Variants in ADGRB3 observed in about 807,000 individuals in gnomAD.
ADGRB3 encodes adhesion G protein-coupled receptor B3.
A neutral mutation model predicts 193.4 loss-of-function variants in ADGRB3; 37 were observed. That is an observed-to-expected ratio of 0.19 (90% CI 0.15 to 0.25). ADGRB3 has a LOEUF of 0.25. Ranked by LOEUF, ADGRB3 falls within the 10% of genes least tolerant of loss-of-function variation. The pLI, the probability that ADGRB3 is intolerant of heterozygous loss-of-function variation, is 1.00. For synonymous variants in ADGRB3, 690 were observed against 644.2 expected, an observed-to-expected ratio of 1.07 and a Z score of -1.08; for missense variants, 1,637 against 1,852.9, an observed-to-expected ratio of 0.88 and a Z score of 2.14.
chr6:69,255,415 T>G (rs1766739113), intron 20 of ADGRB3, among the ~76,000 whole-genome samples: 1 of 152,208 alleles, frequency 6.6e-6, no homozygotes, highest in Non-Finnish European at 1.5e-5. Context: ...TGGTGTGAGA[T>G]GGTATCTCAT....
intron 17 of ADGRB3, among the ~76,000 whole-genome samples, chr6:69,168,643 AAAATTAATTT>A (rs1451273022): frequency 6.6e-6 from 1 of 152,046 alleles, no homozygotes; most frequent in East Asian, 1.9e-4. Flanking sequence ...GCCATAATTT[AAAATTAATTT>A]AAATTAATTT....
In ADGRB3 at chr6:68,719,218, G is replaced by A. The variant is rs539359166; in HGVS notation, c.757+79786G>A. 3.5e-3 allele frequency among the ~76,000 whole-genome samples: 537 copies of A among 151,738 alleles called. 6 individuals are homozygous for A. The highest frequency in any genetic ancestry group is 4.2e-3 in the Non-Finnish European group (288 of 67,766). On this transcript the variant is annotated intron_variant, in intron 3 of 31. Coordinates refer to ENST00000370598, the MANE Select transcript of ADGRB3 (RefSeq NM_001704.3). ...TAAGTCCGTGTCCCTGATGTTATTA[G>A]TGCTTCAATAGAACCTTCTGTGATG...
intron 24 of ADGRB3, among the ~76,000 whole-genome samples, chr6:69,336,751 C>T (rs935296316): frequency 6.6e-6 from 1 of 151,958 alleles, no homozygotes. Flanking sequence ...TGAATAATTT[C>T]TTCTATAATA....
intron 10 of ADGRB3, among the ~76,000 whole-genome samples, chr6:68,991,833 G>C (rs770726203): frequency 6.6e-6 from 1 of 152,098 alleles, no homozygotes; most frequent in Non-Finnish European, 1.5e-5. Flanking sequence ...TTAATATATA[G>C]ATCTATTTTT....
intron 17 of ADGRB3, among the ~76,000 whole-genome samples, chr6:69,204,926 A>G (rs1285860654): frequency 2.0e-5 from 3 of 152,086 alleles, no homozygotes; most frequent in Non-Finnish European, 4.4e-5. Flanking sequence ...AGGATTTTCA[A>G]TTTCTGAAAA....
intron 26 of ADGRB3, among the ~76,000 whole-genome samples, chr6:69,353,264 G>A (rs1769266495): frequency 6.6e-6 from 1 of 152,158 alleles, no homozygotes; most frequent in Non-Finnish European, 1.5e-5. Context: ...AGATGTGTTT[G>A]TTCTTTCTTC....
At chr6:68,815,214 T>C (rs958362942) in intron 3 of ADGRB3, among the ~76,000 whole-genome samples, 6 of 152,162 alleles carry the variant, frequency 3.9e-5, no homozygotes, top group African/African-American at 1.4e-4. Flanking sequence ...GCTGCTTTCT[T>C]TGAGTGTTCA....
rs562038060 is a variant in ADGRB3 at position 69,167,479 on chromosome 6, T to C, written c.2481-65811T>C. Among the ~76,000 whole-genome samples the C allele has an allele frequency of 1.2e-3, 184 of 152,300 alleles. 2 individuals carry two copies. The highest frequency in any genetic ancestry group is 4.3e-3 in the African/African-American group (179 of 41,578). On this transcript the variant is annotated intron_variant, in intron 17 of 31. Coordinates refer to ENST00000370598, the MANE Select transcript of ADGRB3 (RefSeq NM_001704.3). ...TCCATGCCTCCGTTCCTCTAACTTATACAGTATGTGTAGTCTCAATTGATT... is the reference window on the plus strand; with the variant it reads ...TCCATGCCTCCGTTCCTCTAACTTACACAGTATGTGTAGTCTCAATTGATT...
intron 20 of ADGRB3, among the ~76,000 whole-genome samples, chr6:69,291,178 G>T (rs541619984): frequency 6.6e-6 from 1 of 151,992 alleles, no homozygotes; most frequent in East Asian, 1.9e-4. Flanking sequence ...GGATAATTTA[G>T]CCCTGTATGT....
chr6:69,059,545 A>G (rs1169822118), intron 15 of ADGRB3, among the ~76,000 whole-genome samples: 1 of 152,158 alleles, frequency 6.6e-6, no homozygotes, highest in East Asian at 1.9e-4. Flanking sequence ...ATAAATCTCA[A>G]GGACAGAAAA....
At chr6:69,213,795 G>A (rs574285386) in intron 17 of ADGRB3, among the ~76,000 whole-genome samples, 3 of 152,242 alleles carry the variant, frequency 2.0e-5, no homozygotes, top group Admixed American at 6.5e-5. Context: ...TCAATAAATA[G>A]ATTGATAGAG....
chr6:68,751,109 T>G (rs865839445), intron 3 of ADGRB3, among the ~76,000 whole-genome samples: 9 of 152,226 alleles, frequency 5.9e-5, no homozygotes, highest in East Asian at 1.9e-4. Context: ...TCTCTGAGAA[T>G]AGCTAAGTCC....
chr6:69,232,184 G>GC (rs1304295400), intron 17 of ADGRB3, among the ~76,000 whole-genome samples: 5 of 152,174 alleles, frequency 3.3e-5, no homozygotes, highest in Non-Finnish European at 7.4e-5. Flanking sequence ...TAATTTCCAT[G>GC]CCTGGGGGAG....
At chr6:68,829,970 C>T (rs1767922798) in intron 3 of ADGRB3, among the ~76,000 whole-genome samples, 1 of 151,982 alleles carries the variant, frequency 6.6e-6, no homozygotes, top group African/African-American at 2.4e-5. Flanking sequence ...TTCAGACATA[C>T]CAAGTATACT....
chr6:69,203,095 G>T (rs1765464841), intron 17 of ADGRB3, among the ~76,000 whole-genome samples: 1 of 152,082 alleles, frequency 6.6e-6, no homozygotes, highest in South Asian at 2.1e-4. Flanking sequence ...ACTGAGGTCT[G>T]AGAGAAACTC....
intron 20 of ADGRB3, among the ~76,000 whole-genome samples, chr6:69,241,325 A>G (rs1766380499): frequency 6.6e-6 from 1 of 151,988 alleles, no homozygotes; most frequent in Non-Finnish European, 1.5e-5. Flanking sequence ...CAGAATATCC[A>G]CAATATTACC....
At chr6:69,294,600 G>A (rs971814853) in intron 20 of ADGRB3, among the ~76,000 whole-genome samples, 5 of 152,118 alleles carry the variant, frequency 3.3e-5, no homozygotes, top group African/African-American at 1.2e-4. Flanking sequence ...ATTCTACTAG[G>A]ACAGTGCACT....
At chr6:69,383,833 T>C (rs1770004907) in intron 31 of ADGRB3, among the ~76,000 whole-genome samples, 1 of 152,030 alleles carries the variant, frequency 6.6e-6, no homozygotes, top group Non-Finnish European at 1.5e-5. Flanking sequence ...CCAGCTCTTC[T>C]CCTTTGCCCA....
At chr6:68,876,511 G>A (rs1473268223) in intron 3 of ADGRB3, among the ~76,000 whole-genome samples, 1 of 152,136 alleles carries the variant, frequency 6.6e-6, no homozygotes, top group Non-Finnish European at 1.5e-5. Flanking sequence ...TATAGTCGCA[G>A]CAAAAAGGAT....
Sources: allele counts gnomAD v4.1 joint callset (sites outside exome capture counted in the v4.1 genomes callset), GRCh38; gene constraint gnomAD v4.1.1; transcripts MANE v1.5; gene names NCBI Gene and HGNC (gene_info 2026-07-23, HGNC 2026-07-21).